Variants in DLGAP1 observed in about 807,000 individuals in gnomAD.
DLGAP1 encodes the protein DLG associated protein 1, also known as disks large-associated protein 1.
Under a neutral mutation model 90.8 loss-of-function variants are expected in DLGAP1, and 11 were observed. The ratio of observed to expected loss-of-function variants is 0.12; its 90% confidence interval spans 0.08 to 0.20. The LOEUF (loss-of-function observed/expected upper bound fraction) is 0.20, where lower values mean the gene tolerates loss of function less well. DLGAP1 is among the 10% of genes least tolerant of loss of function. The pLI is 1.00. For missense variants in DLGAP1, 1,050 were observed against 1,333.8 expected (o/e 0.79, Z 3.31); for synonymous variants, 558 against 540.7 (o/e 1.03, Z -0.44).
rs560173530 is a variant in DLGAP1, at chr18:4,034,333, C to T, written c.-158-29132G>A. Among the ~76,000 whole-genome samples the T allele has an allele frequency of 1.0e-3, 158 of 152,228 alleles. 3 individuals are homozygous for T. The South Asian group carries it at 0.03, about 29-fold the overall frequency. ...CTGGGATTACGGACATAAGCCACTG[C>T]GCCCGGCTGCAAATTTTTATATACT... On this transcript the variant is annotated intron_variant, in intron 2 of 12. Transcript: ENST00000315677.
intron 1 of DLGAP1, among the ~76,000 whole-genome samples, chr18:4,371,857 T>A (rs527445057): frequency 6.6e-6 from 1 of 152,298 alleles, no homozygotes; most frequent in East Asian, 1.9e-4. Context: ...ATGTCCTAAT[T>A]CACATCAAGG....
chr18:4,439,386 G>A (rs1479340621), intron 1 of DLGAP1, among the ~76,000 whole-genome samples: 1 of 152,180 alleles, frequency 6.6e-6, no homozygotes, highest in Non-Finnish European at 1.5e-5. Context: ...AAGAAATTAA[G>A]CCATTGAGCT....
At chr18:3,687,907 G>GTTTTTT in intron 7 of DLGAP1, among the ~76,000 whole-genome samples, 1 of 133,226 alleles carries the variant, frequency 7.5e-6, no homozygotes, top group African/African-American at 2.8e-5. Context: ...CTCAGAGACT[G>GTTTTTT]TTTTTTTTTT....
chr18:3,613,817 G>A (rs975115271), intron 7 of DLGAP1, among the ~76,000 whole-genome samples: 2 of 152,178 alleles, frequency 1.3e-5, no homozygotes, highest in African/African-American at 4.8e-5. Flanking sequence ...CAGGATGGCT[G>A]TTACAGTGAA....
In DLGAP1 at chr18:3,499,307, G is replaced by C; in HGVS notation, c.2812C>G (p.Arg938Gly). 6.3e-7 allele frequency: 1 copy of C among 1,579,652 alleles called. No individual in the cohort carries two copies. The highest frequency in any genetic ancestry group is 1.2e-5 in the South Asian group (1 of 86,920). Reference protein sequence around the residue: ...IRERSLESSQRQEARKRLMAA... With the variant: ...IRERSLESSQGQEARKRLMAA... Reference sequence around the variant, plus strand: ...ATCAGGCGCTTGCGGGCCTCCTGGCGCTGCGAGCTCTCCAGCGAGCGCTCC... The same window carrying C: ...ATCAGGCGCTTGCGGGCCTCCTGGCCCTGCGAGCTCTCCAGCGAGCGCTCC... The change falls in exon 13 of 13, where the codon CGC (arginine) becomes GGC (glycine). Residue 938 changes from arginine to glycine, a missense_variant. Transcript: ENST00000315677. The surrounding 1 kb of genome is among the most constrained non-coding windows in gnomAD (Gnocchi z 6.4).
chr18:4,088,702 A>G (rs2075724034), intron 2 of DLGAP1, among the ~76,000 whole-genome samples: 2 of 152,118 alleles, frequency 1.3e-5, no homozygotes, highest in South Asian at 4.1e-4. Flanking sequence ...GTCAAACCAT[A>G]TGATTATCTC....
chr18:3,843,171 T>C (rs909651291), intron 4 of DLGAP1, among the ~76,000 whole-genome samples: 2 of 152,200 alleles, frequency 1.3e-5, no homozygotes, highest in African/African-American at 2.4e-5. Context: ...ATATTCTCTA[T>C]TAATTAACTA....
At chr18:3,640,042 C>A in intron 7 of DLGAP1, among the ~76,000 whole-genome samples, 1 of 152,160 alleles carries the variant, frequency 6.6e-6, no homozygotes, top group South Asian at 2.1e-4. Flanking sequence ...GCGTGAGCCA[C>A]GGCACCCGGC....
intron 2 of DLGAP1, among the ~76,000 whole-genome samples, chr18:4,099,315 CT>C (rs1234561977): frequency 7.4e-6 from 1 of 135,042 alleles, no homozygotes; most frequent in East Asian, 2.3e-4. Context: ...ATCTATCTAT[CT>C]ATCTATCTAT....
At position 4,067,029 on chromosome 18, in the gene DLGAP1, C is replaced by T. The variant is rs145403174; in HGVS notation, c.-158-61828G>A. Among the ~76,000 whole-genome samples, 631 of 152,170 alleles carry T rather than the reference C, an allele frequency of 4.1e-3. 6 individuals carry two copies. Among genetic ancestry groups the T allele is most frequent in the African/African-American group, 0.014 (577 of 41,536 alleles). Reference sequence around the variant, plus strand: ...AATGAGATCATGTCCTTTGCAGGGACGTGGACGGAGCAGGGTGCCATTATC... The same window carrying T: ...AATGAGATCATGTCCTTTGCAGGGATGTGGACGGAGCAGGGTGCCATTATC... On this transcript the variant is annotated intron_variant, in intron 2 of 12. Transcript: ENST00000315677.
At chr18:3,901,025 C>G (rs969105100) in intron 3 of DLGAP1, among the ~76,000 whole-genome samples, 2 of 151,924 alleles carry the variant, frequency 1.3e-5, no homozygotes, top group Non-Finnish European at 2.9e-5. Flanking sequence ...CGACTAGGAC[C>G]CTTGCGCAGC....
At chr18:3,744,702 C>T (rs572216259) in intron 5 of DLGAP1, among the ~76,000 whole-genome samples, 6 of 152,160 alleles carry the variant, frequency 3.9e-5, no homozygotes, top group Non-Finnish European at 8.8e-5. Flanking sequence ...CACGCCACCG[C>T]GGCCGGCTAA....
intron 7 of DLGAP1, among the ~76,000 whole-genome samples, chr18:3,670,024 T>G (rs2060031832): frequency 2.0e-5 from 3 of 152,166 alleles, no homozygotes; most frequent in Admixed American, 6.5e-5. Context: ...GTGAGCCACA[T>G]AGGGTGTGCG....
chr18:4,372,258 T>C (rs2081932337), intron 1 of DLGAP1, among the ~76,000 whole-genome samples: 1 of 152,214 alleles, frequency 6.6e-6, no homozygotes, highest in South Asian at 2.1e-4. Context: ...ATACATATCA[T>C]ACAAATAAAT....
chr18:4,192,249 TTC>T, intron 1 of DLGAP1, among the ~76,000 whole-genome samples: 1 of 152,236 alleles, frequency 6.6e-6, no homozygotes, highest in South Asian at 2.1e-4. Flanking sequence ...TTGTCTGAAT[TTC>T]TGTTCTGCTT....
Position 3,646,881 on chromosome 18 carries a change from A to C in DLGAP1, c.1592-64633T>G, listed in dbSNP as rs561659373. The stretch of plus-strand genomic sequence containing the variant: ...CGGAGCTTGCAGTGAGCCAAGATCG[A>C]ACTACTGCACTTCAGCCTGGGCAAC... On this transcript the variant is annotated intron_variant, in intron 7 of 12. Coordinates refer to ENST00000315677, the MANE Select transcript of DLGAP1 (RefSeq NM_004746.4). Among the ~76,000 whole-genome samples the C allele has an allele frequency of 5.8e-3, 879 of 151,828 alleles. 9 individuals are homozygous for C. The highest frequency in any genetic ancestry group is 0.02 in the African/African-American group (839 of 41,240).
At chr18:3,910,258 C>A (rs1488864193) in intron 3 of DLGAP1, among the ~76,000 whole-genome samples, 1 of 151,716 alleles carries the variant, frequency 6.6e-6, no homozygotes, top group Non-Finnish European at 1.5e-5. Context: ...TTTTATCTTA[C>A]TAAACTGAGG....
At chr18:3,949,736 C>T (rs2072947701) in intron 3 of DLGAP1, among the ~76,000 whole-genome samples, 1 of 152,086 alleles carries the variant, frequency 6.6e-6, no homozygotes, top group Admixed American at 6.6e-5. Flanking sequence ...ATATTTGACA[C>T]AAACACAAGC....
intron 9 of DLGAP1, among the ~76,000 whole-genome samples, chr18:3,551,713 TCCCTC>T (rs2053466727): frequency 3.1e-5 from 1 of 32,662 alleles, no homozygotes; most frequent in African/African-American, 1.5e-4. Flanking sequence ...CCTCCCTCCC[TCCCTC>T]CCTCCCTTCC....
Sources: allele counts gnomAD v4.1 joint callset (sites outside exome capture counted in the v4.1 genomes callset), GRCh38; gene constraint gnomAD v4.1.1; non-coding constraint Gnocchi (gnomAD v3.1); transcripts MANE v1.5; gene names NCBI Gene and HGNC (gene_info 2026-07-23, HGNC 2026-07-21).